ARHGAP12: variants seen among roughly 807,000 people sequenced by gnomAD.
ARHGAP12 encodes rho GTPase-activating protein 12.
In ARHGAP12, 64 loss-of-function variants were observed where a neutral mutation model predicts 108.6. The ratio of observed to expected loss-of-function variants is 0.59; its 90% CI spans 0.48 to 0.73. The LOEUF (loss-of-function observed/expected upper bound fraction) is 0.73, where lower values mean the gene tolerates loss of function less well. Among genes scored for constraint, ARHGAP12 ranks in the 30% least tolerant of loss-of-function variants. The pLI is 0.00. For synonymous variants in ARHGAP12, 312 were observed against 337.2 expected, an observed-to-expected ratio of 0.93 and a Z score of 0.82; for missense variants, 940 against 1,005.9, an observed-to-expected ratio of 0.93 and a Z score of 0.89.
intron 3 of ARHGAP12, among the ~76,000 whole-genome samples, chr10:31,881,264 TA>T (rs201010420): frequency 1.3e-5 from 2 of 150,438 alleles, no homozygotes; most frequent in East Asian, 1.9e-4. Flanking sequence ...AGTATCATGT[TA>T]AAAAAAAACA....
chr10:31,897,066 C>T (rs1054040425), intron 3 of ARHGAP12, among the ~76,000 whole-genome samples: 7 of 152,132 alleles, frequency 4.6e-5, no homozygotes, highest in Non-Finnish European at 1.0e-4. Context: ...GAAAGAAAGA[C>T]CTTATACTTT....
intron 12 of ARHGAP12, 123 bp downstream of exon 12, chr10:31,820,264 A>T: frequency 1.5e-6 from 1 of 652,658 alleles, no homozygotes; most frequent in Non-Finnish European, 2.4e-6. Context: ...ATACCATCTA[A>T]CTTAATCACC....
chr10:31,896,519 C>T (rs960525316), intron 3 of ARHGAP12, among the ~76,000 whole-genome samples: 1 of 151,986 alleles, frequency 6.6e-6, no homozygotes, highest in African/African-American at 2.4e-5. Context: ...ATTTCTACTC[C>T]CCAGTTTCAG....
At chr10:31,849,500 TTAC>T (rs1376438975) in intron 6 of ARHGAP12, among the ~76,000 whole-genome samples, 3 of 152,028 alleles carry the variant, frequency 2.0e-5, no homozygotes, top group Non-Finnish European at 4.4e-5. Context: ...TGCATGGGGG[TTAC>T]AAGCTTGACA....
At chr10:31,843,613 A>T (rs761917550) in intron 6 of ARHGAP12, 27 bp from the exon 7 acceptor site, 2 of 1,567,334 alleles carry the variant, frequency 1.3e-6, no homozygotes, top group Admixed American at 2.1e-5. Context: ...CAAAAAACAC[A>T]AAAAACAGTT....
At chr10:31,811,207 C>T (rs138771048) in intron 15 of ARHGAP12, among the ~76,000 whole-genome samples, 259 of 152,322 alleles carry the variant, frequency 1.7e-3, no homozygotes, top group African/African-American at 5.8e-3. Flanking sequence ...GGGAGAGGAC[C>T]AAGGACCATG....
intron 3 of ARHGAP12, among the ~76,000 whole-genome samples, chr10:31,866,908 C>T (rs1265610052): frequency 6.6e-6 from 1 of 152,086 alleles, no homozygotes; most frequent in Admixed American, 6.5e-5. Context: ...CGTGAGCCAC[C>T]GTGCCCAGTC....
At chr10:31,843,312 C>A (rs1836335392) in intron 7 of ARHGAP12, 149 bp downstream of exon 7, 2 of 799,124 alleles carry the variant, frequency 2.5e-6, no homozygotes, top group Non-Finnish European at 3.8e-6. Flanking sequence ...TTTCAACATA[C>A]ATGCAGATCA....
chr10:31,884,942 ATT>A (rs1308406657), intron 3 of ARHGAP12, among the ~76,000 whole-genome samples: 3 of 152,036 alleles, frequency 2.0e-5, no homozygotes, highest in East Asian at 3.9e-4. Flanking sequence ...AAAATCAATT[ATT>A]TTCTTATTTT....
intron 4 of ARHGAP12, among the ~76,000 whole-genome samples, chr10:31,860,337 A>T (rs1252740643): frequency 6.6e-6 from 1 of 152,182 alleles, no homozygotes. Context: ...CGGATGTCCT[A>T]TGCAGGTGGA....
intron 3 of ARHGAP12, among the ~76,000 whole-genome samples, chr10:31,885,665 A>G (rs1282767691): frequency 6.6e-6 from 1 of 152,076 alleles, no homozygotes. Flanking sequence ...CTAAAAATAC[A>G]AAAATCAGCT....
At chr10:31,836,365 T>C (rs143387480) in intron 9 of ARHGAP12, among the ~76,000 whole-genome samples, 154 of 152,214 alleles carry the variant, frequency 1.0e-3, no homozygotes, top group Admixed American at 2.5e-3. Context: ...ATTTAATCCA[T>C]ATTATAGTCA....
At chr10:31,881,918 T>G (rs866246782) in intron 3 of ARHGAP12, among the ~76,000 whole-genome samples, 51 of 150,414 alleles carry the variant, frequency 3.4e-4, no homozygotes, top group Middle Eastern at 3.5e-3. Context: ...TTTAGATGTT[T>G]TTTTTTTTTT....
chr10:31,883,901 GAA>G (rs1321818752), intron 3 of ARHGAP12, among the ~76,000 whole-genome samples: 3 of 151,594 alleles, frequency 2.0e-5, no homozygotes, highest in Non-Finnish European at 4.4e-5. Context: ...TTTTTATAGA[GAA>G]AGGGTTTTGC....
intron 10 of ARHGAP12, among the ~76,000 whole-genome samples, chr10:31,828,517 A>C (rs1245826841): frequency 2.6e-5 from 4 of 152,142 alleles, no homozygotes; most frequent in African/African-American, 7.2e-5. Flanking sequence ...AAAATACTTA[A>C]ATTAGCCTAT....
At chr10:31,908,985 G>A (rs773736786) in intron 2 of ARHGAP12, 59 bp from the exon 3 acceptor site, 59 of 896,400 alleles carry the variant, frequency 6.6e-5, no homozygotes, top group African/African-American at 2.7e-4. Context: ...TCTGGATTTC[G>A]TATTTACTCA....
chr10:31,875,530 G>C (rs559045282), intron 3 of ARHGAP12, among the ~76,000 whole-genome samples: 1 of 152,282 alleles, frequency 6.6e-6, no homozygotes, highest in South Asian at 2.1e-4. Context: ...GGATGGGTAA[G>C]GGGGAATAGG....
chr10:31,828,922 C>T (rs944654024), intron 10 of ARHGAP12, among the ~76,000 whole-genome samples: 10 of 152,144 alleles, frequency 6.6e-5, no homozygotes, highest in African/African-American at 1.7e-4. Context: ...GAGGCCAAGA[C>T]GGGCGGATCA....
chr10:31,906,644 G>C (rs1839143904), intron 3 of ARHGAP12, among the ~76,000 whole-genome samples: 1 of 152,196 alleles, frequency 6.6e-6, no homozygotes, highest in African/African-American at 2.4e-5. Flanking sequence ...AGCTGCCATG[G>C]AGAGTTAGGA....
Sources: allele counts gnomAD v4.1 joint callset (sites outside exome capture counted in the v4.1 genomes callset), GRCh38; gene constraint gnomAD v4.1.1; transcripts MANE v1.5; gene names NCBI Gene and HGNC (gene_info 2026-07-23, HGNC 2026-07-21).